Variants in CYP4X1 observed in about 807,000 individuals in gnomAD.
CYP4X1 encodes cytochrome P450 family 4 subfamily X member 1, also known as cytochrome P450 4X1.
Under a neutral mutation model 57.9 loss-of-function variants are expected in CYP4X1, and 44 were observed. That is an observed-to-expected ratio of 0.76 (90% confidence interval 0.60 to 0.98). The LOEUF (loss-of-function observed/expected upper bound fraction) is 0.98, where lower values mean the gene tolerates loss of function less well. Among genes scored for constraint, CYP4X1 ranks in the 50% least tolerant of loss-of-function variants. The probability of loss-of-function intolerance (pLI) is 0.00; values close to 1 mark genes in which losing one functional copy is unlikely to be tolerated. For synonymous variants in CYP4X1, 227 were observed against 228.6 expected, an observed-to-expected ratio of 0.99 and a Z score of 0.06; for missense variants, 532 against 623.9, an observed-to-expected ratio of 0.85 and a Z score of 1.57.
the CYP4X1 span, among the ~76,000 whole-genome samples, chr1:46,994,806 A>G: frequency 3.9e-5 from 6 of 152,238 alleles, no homozygotes; most frequent in Admixed American, 3.9e-4. Context: ...GCAGTATGCC[A>G]GATGGGGGGC....
rs567280889 is a variant in CYP4X1, at chr1:47,038,297, A to G, written c.776-363A>G. ...TTTCTCTCAGCTCCTTCAATTATAA[A>G]TATATTGGCATTTCTTTGCCTGTCT... is the stretch of plus-strand genomic sequence containing the variant. On this transcript the variant is annotated intron_variant, in intron 6 of 11. Transcript: ENST00000371901. Among the ~76,000 whole-genome samples, 20 of 152,258 alleles carry G rather than the reference A, an allele frequency of 1.3e-4. No homozygotes were observed. The South Asian group carries it at 3.7e-3, about 28-fold the overall frequency.
At chr1:47,009,157 C>T in the CYP4X1 span, among the ~76,000 whole-genome samples, 6 of 152,176 alleles carry the variant, frequency 3.9e-5, no homozygotes, top group Non-Finnish European at 8.8e-5. Context: ...AAATTGACCA[C>T]ATAGTTGGCA....
the CYP4X1 span, among the ~76,000 whole-genome samples, chr1:46,975,614 C>A: frequency 6.6e-6 from 1 of 152,060 alleles, no homozygotes; most frequent in Admixed American, 6.5e-5. Context: ...TTTGTGTTGA[C>A]CGTGGACAAC....
chr1:46,974,860 C>G, the CYP4X1 span, among the ~76,000 whole-genome samples: 9 of 152,160 alleles, frequency 5.9e-5, no homozygotes, highest in Non-Finnish European at 1.0e-4. Context: ...AGATGACATA[C>G]AGTTGAGTCT....
At chr1:46,969,630 C>T in the CYP4X1 span, among the ~76,000 whole-genome samples, 3 of 152,194 alleles carry the variant, frequency 2.0e-5, no homozygotes, top group Non-Finnish European at 2.9e-5. Flanking sequence ...TTTCTCAGGA[C>T]GATTCCTGCA....
the CYP4X1 span, among the ~76,000 whole-genome samples, chr1:46,998,166 T>C: frequency 2.1e-5 from 3 of 141,982 alleles, no homozygotes; most frequent in Admixed American, 1.4e-4. Context: ...TGTAGGTTTT[T>C]CTGTTTGTTT....
At chr1:46,991,529 C>T in the CYP4X1 span, among the ~76,000 whole-genome samples, 4 of 152,158 alleles carry the variant, frequency 2.6e-5, no homozygotes, top group Non-Finnish European at 5.9e-5. Flanking sequence ...GTTAAAGCAC[C>T]CTTGTTTGAT....
At position 47,023,895 on chromosome 1, in the gene CYP4X1, G is replaced by C. The variant is rs760124136; in HGVS notation, c.78G>C (p.Leu26=). Residue 26 remains leucine (L), a synonymous_variant, in exon 1 of 12, where the codon CTG becomes CTC. Coordinates refer to ENST00000371901, the MANE Select transcript of CYP4X1 (RefSeq NM_178033.2). The part of the protein sequence containing the change: ...LAFVFCLALG[L]LQAIKLYLRR... Reference sequence around the variant, plus strand: ...TCGTGTTCTGCCTGGCCCTGGGGCTGCTGCAGGCCATTAAGCTGTACCTGC... The same window carrying C: ...TCGTGTTCTGCCTGGCCCTGGGGCTCCTGCAGGCCATTAAGCTGTACCTGC... 6.2e-7 allele frequency: 1 copy of C among 1,613,714 alleles called. No homozygotes were observed. Among genetic ancestry groups the C allele is most frequent in the Non-Finnish European group, 8.5e-7 (1 of 1,179,996 alleles).
At chr1:47,027,081 AATTT>A (rs989031344) in intron 1 of CYP4X1, among the ~76,000 whole-genome samples, 28 of 151,942 alleles carry the variant, frequency 1.8e-4, no homozygotes, top group African/African-American at 6.0e-4. Flanking sequence ...TCTTTTGTTA[AATTT>A]ATTTGTTTTG....
At chr1:47,029,276 T>G (rs1331774658) in intron 1 of CYP4X1, among the ~76,000 whole-genome samples, 1 of 152,170 alleles carries the variant, frequency 6.6e-6, no homozygotes, top group African/African-American at 2.4e-5. Context: ...TTGTTTTCAG[T>G]GATTTAGAGA....
the CYP4X1 span, among the ~76,000 whole-genome samples, chr1:46,994,654 A>G: frequency 1.3e-5 from 2 of 152,214 alleles, no homozygotes; most frequent in South Asian, 2.1e-4. Flanking sequence ...AGTGTCCAGA[A>G]TTGATTGATT....
downstream of CYP4X1, among the ~76,000 whole-genome samples, chr1:47,053,870 C>G (rs1644374810): frequency 6.6e-6 from 1 of 152,134 alleles, no homozygotes; most frequent in African/African-American, 2.4e-5. Flanking sequence ...CTGTAGGTTG[C>G]CCATTCAGTG....
the CYP4X1 span, chr1:46,967,684 T>C: frequency 1.4e-6 from 1 of 739,702 alleles, no homozygotes; most frequent in Non-Finnish European, 2.0e-6. Flanking sequence ...TCAGAGCTGG[T>C]CCTTGTCCCC....
At chr1:47,043,410 T>C (rs576123159) in intron 8 of CYP4X1, among the ~76,000 whole-genome samples, 1 of 152,316 alleles carries the variant, frequency 6.6e-6, no homozygotes, top group South Asian at 2.1e-4. Context: ...GGGTTGTCTG[T>C]TTACTCTGCT....
At chr1:47,016,341 T>G in the CYP4X1 span, among the ~76,000 whole-genome samples, 3 of 127,266 alleles carry the variant, frequency 2.4e-5, no homozygotes, top group Non-Finnish European at 4.7e-5. Context: ...TTAATTCTTT[T>G]TTTTTTAATT....
At chr1:47,011,844 CA>C in the CYP4X1 span, among the ~76,000 whole-genome samples, 1 of 152,178 alleles carries the variant, frequency 6.6e-6, no homozygotes, top group Non-Finnish European at 1.5e-5. Flanking sequence ...AAATGCAAAT[CA>C]AAACCACAAT....
At chr1:46,967,900 G>A in the CYP4X1 span, 3 of 677,804 alleles carry the variant, frequency 4.4e-6, no homozygotes. Context: ...ATTGATAAGA[G>A]GCCTCAGTCC....
rs1644349966 is a variant in CYP4X1 at position 47,050,283 on chromosome 1, G to A, written c.*109G>A. 8 of 1,270,276 alleles carry A rather than the reference G, an allele frequency of 6.3e-6. No homozygotes were observed. The highest frequency in any genetic ancestry group is 8.9e-6 in the Non-Finnish European group (8 of 901,660). The allele number at this position is 1,270,276 out of a possible 1,614,324, so 78.7% of individuals were successfully genotyped here. ...ATGTATGGTGGGAGGATTGGAGGTTGGTGGGATAGGGGTCTCTGTGAAGAG... is the reference window on the plus strand; with the variant it reads ...ATGTATGGTGGGAGGATTGGAGGTTAGTGGGATAGGGGTCTCTGTGAAGAG... On this transcript the variant is annotated 3_prime_UTR_variant, in exon 12 of 12. Coordinates refer to ENST00000371901, the MANE Select transcript of CYP4X1 (RefSeq NM_178033.2).
At chr1:47,004,000 G>A in the CYP4X1 span, among the ~76,000 whole-genome samples, 1 of 152,158 alleles carries the variant, frequency 6.6e-6, no homozygotes, top group Non-Finnish European at 1.5e-5. Context: ...ATTCATGCTG[G>A]CTTCCTAGAA....
Sources: gnomAD v4.1 joint callset for allele counts (sites outside exome capture counted in the v4.1 genomes callset) on GRCh38, gnomAD v4.1.1 for gene constraint, MANE v1.5 for transcripts, NCBI Gene and HGNC (gene_info 2026-07-23, HGNC 2026-07-21) for gene names.